The following PLPP3 variants were observed in gnomAD, a reference collection of about 807,000 sequenced individuals.
PLPP3 encodes the protein phospholipid phosphatase 3, also known as PAP2 beta.
A neutral mutation model predicts 29.6 loss-of-function variants in PLPP3; 6 were observed. That is an observed-to-expected ratio of 0.20 (90% CI 0.11 to 0.40). The LOEUF (loss-of-function observed/expected upper bound fraction) is 0.40, where lower values mean the gene tolerates loss of function less well. Among genes scored for constraint, PLPP3 ranks in the 10% least tolerant of loss-of-function variants. The pLI is 1.00. For synonymous variants in PLPP3, 152 were observed against 159.7 expected, an observed-to-expected ratio of 0.95 and a Z score of 0.36; for missense variants, 308 against 407.7, an observed-to-expected ratio of 0.76 and a Z score of 2.11.
At chr1:56,530,106 T>G (rs1248491699) in intron 2 of PLPP3, among the ~76,000 whole-genome samples, 2 of 151,256 alleles carry the variant, frequency 1.3e-5, no homozygotes, top group African/African-American at 2.4e-5. Flanking sequence ...TGCAACCTCT[T>G]ACTCTTTTTT....
chr1:56,561,020 T>TTTTTC (rs1646123338), intron 1 of PLPP3, among the ~76,000 whole-genome samples: 1 of 149,496 alleles, frequency 6.7e-6, no homozygotes. Flanking sequence ...TTTTTTTTTT[T>TTTTTC]GTATTTTTAG....
At chr1:56,520,910 C>CAAAAAAAAAAAAAAAAA (rs1169318077) in intron 4 of PLPP3, among the ~76,000 whole-genome samples, 1 of 61,908 alleles carries the variant, frequency 1.6e-5, no homozygotes, top group Non-Finnish European at 2.7e-5. Context: ...GACTCCATCT[C>CAAAAAAAAAAAAAAAAA]AAAAAAAAAA....
At chr1:56,516,722 CA>C (rs1368479128) in intron 4 of PLPP3, among the ~76,000 whole-genome samples, 6 of 150,572 alleles carry the variant, frequency 4.0e-5, no homozygotes, top group Non-Finnish European at 7.4e-5. Context: ...CTGCTACGTA[CA>C]GCTTGTATAT....
intron 2 of PLPP3, among the ~76,000 whole-genome samples, chr1:56,525,423 G>A (rs900489889): frequency 6.6e-6 from 1 of 152,146 alleles, no homozygotes; most frequent in Admixed American, 6.5e-5. Context: ...ATGATGCTTA[G>A]AGGAGATTTA....
intron 1 of PLPP3, among the ~76,000 whole-genome samples, chr1:56,549,631 G>T (rs1299469316): frequency 6.6e-6 from 1 of 152,130 alleles, no homozygotes; most frequent in Non-Finnish European, 1.5e-5. Context: ...TGATAGAGGG[G>T]CTTCACTACC....
intron 1 of PLPP3, among the ~76,000 whole-genome samples, chr1:56,565,844 C>T (rs1249121230): frequency 6.6e-6 from 1 of 152,192 alleles, no homozygotes; most frequent in African/African-American, 2.4e-5. Flanking sequence ...ACAAAAATCC[C>T]TCATAGTTAA....
chr1:56,519,743 TTTG>T (rs201329094), intron 4 of PLPP3, among the ~76,000 whole-genome samples: 3,368 of 145,742 alleles, frequency 0.023, 54 homozygotes, highest in Non-Finnish European at 0.037. Context: ...ATGCTGTGGG[TTTG>T]TTTTTTTTTT....
rs149661789 is a variant in PLPP3, at chr1:56,496,416, AT to A, written c.*134del. 2.9e-3 allele frequency: 3,087 copies of A among 1,080,506 alleles called. No homozygotes were observed. The highest frequency in any genetic ancestry group is 3.1e-3 in the Non-Finnish European group (2,368 of 774,426). The allele number at this position is 1,080,506 out of a possible 1,614,324, so 66.9% of individuals were successfully genotyped here. A position where few individuals can be genotyped will look rare whatever the true frequency, so the allele number is the denominator to read the frequency against. On this transcript the variant is annotated 3_prime_UTR_variant, in exon 6 of 6. Transcript: ENST00000371250. ...ATTTTGGAAGGCCACATAGTAAAAC[AT>A]TTTTTTTTTCCTTTTTAAAAATCAG...
chr1:56,573,372 G>A (rs554533610), intron 1 of PLPP3, among the ~76,000 whole-genome samples: 2 of 152,224 alleles, frequency 1.3e-5, no homozygotes, highest in South Asian at 4.2e-4. Flanking sequence ...AAAAAGACAG[G>A]TGCACTGGTC....
intron 1 of PLPP3, among the ~76,000 whole-genome samples, chr1:56,570,862 G>C (rs566075017): frequency 1.2e-4 from 18 of 152,322 alleles, no homozygotes; most frequent in African/African-American, 4.3e-4. Flanking sequence ...TCATTCAGCA[G>C]TGATCTTGGT....
At chr1:56,530,782 T>C (rs965609766) in intron 2 of PLPP3, among the ~76,000 whole-genome samples, 1 of 152,172 alleles carries the variant, frequency 6.6e-6, no homozygotes, top group African/African-American at 2.4e-5. Flanking sequence ...CTTGCCACAA[T>C]CTTCTTTTCC....
intron 4 of PLPP3, among the ~76,000 whole-genome samples, chr1:56,522,111 G>T (rs1645823164): frequency 1.3e-5 from 2 of 152,184 alleles, no homozygotes. Context: ...TACCTTTTCT[G>T]CCTCTGACTG....
intron 1 of PLPP3, among the ~76,000 whole-genome samples, chr1:56,571,075 T>C (rs1646194559): frequency 6.6e-6 from 1 of 152,186 alleles, no homozygotes. Flanking sequence ...ACTCTCCTCA[T>C]GAATAATATC....
chr1:56,496,550 C>T lies in PLPP3; in HGVS notation c.*1G>A. The T allele has an allele frequency of 6.2e-7, 1 of 1,613,856 alleles. No individual in the cohort carries two copies. Among genetic ancestry groups the T allele is most frequent in the Non-Finnish European group, 8.5e-7 (1 of 1,179,886 alleles). On this transcript the variant is annotated 3_prime_UTR_variant, in exon 6 of 6. Transcript: ENST00000371250. Reference sequence around the variant, plus strand: ...AAAACAGCTCAGGAGGTGGGTGGCACCTACATCATGTTGTGGTGATTGTTC... The same window carrying T: ...AAAACAGCTCAGGAGGTGGGTGGCATCTACATCATGTTGTGGTGATTGTTC...
chr1:56,531,289 C>A (rs1050460856), intron 2 of PLPP3, among the ~76,000 whole-genome samples: 7 of 152,210 alleles, frequency 4.6e-5, no homozygotes, highest in African/African-American at 1.7e-4. Flanking sequence ...ACTGCCCTGA[C>A]TCTCCTCTTA....
intron 1 of PLPP3, among the ~76,000 whole-genome samples, chr1:56,548,389 T>A (rs1646018649): frequency 6.6e-6 from 1 of 152,238 alleles, no homozygotes; most frequent in African/African-American, 2.4e-5. Context: ...ACTTTTTAAT[T>A]TGTAGTTGAT....
chr1:56,502,518 T>C (rs1457260776), intron 5 of PLPP3, among the ~76,000 whole-genome samples: 1 of 152,228 alleles, frequency 6.6e-6, no homozygotes, highest in Admixed American at 6.5e-5. Context: ...CTACAGTTAT[T>C]TGTTATCCAG....
chr1:56,504,746 C>A (rs56186267), intron 5 of PLPP3, among the ~76,000 whole-genome samples: 13,849 of 152,142 alleles, frequency 0.091, 598 homozygotes, highest in Middle Eastern at 0.13. Context: ...TAAATAATTA[C>A]CTACTCTAAA....
intron 1 of PLPP3, among the ~76,000 whole-genome samples, chr1:56,553,690 G>A (rs759077420): frequency 2.6e-5 from 4 of 152,088 alleles, no homozygotes; most frequent in Non-Finnish European, 5.9e-5. Context: ...GACTAAATTC[G>A]AACTAAATAG....
Sources: allele counts gnomAD v4.1 joint callset (sites outside exome capture counted in the v4.1 genomes callset), GRCh38; gene constraint gnomAD v4.1.1; transcripts MANE v1.5; gene names NCBI Gene and HGNC (gene_info 2026-07-23, HGNC 2026-07-21).